IL9R: variants seen among roughly 807,000 people sequenced by gnomAD.
IL9R encodes the protein interleukin-9 receptor.
In IL9R, 54 loss-of-function variants were observed where a neutral mutation model predicts 56.3. The observed-to-expected ratio is 0.96, with a 90% confidence interval of 0.77 to 1.20. The LOEUF (loss-of-function observed/expected upper bound fraction) is 1.20. Ranked by LOEUF, IL9R falls within the 50% of genes most tolerant of loss-of-function variation. The pLI is 0.00. For synonymous variants in IL9R, 212 were observed against 250.2 expected (o/e 0.85, Z 1.44); for missense variants, 545 against 629.8 (o/e 0.87, Z 1.44).
chrX:156,005,787 G>A (rs984083238), intron 6 of IL9R, among the ~76,000 whole-genome samples: 1 of 152,110 alleles, frequency 6.6e-6, no homozygotes, highest in African/African-American at 2.4e-5. Flanking sequence ...AATGGGGGCT[G>A]GACTGACCCT....
In IL9R at chrX:156,003,821, C is replaced by T; in HGVS notation, c.399C>T (p.Ser133=). 2 of 1,613,940 alleles carry T rather than the reference C, an allele frequency of 1.2e-6. No individual in the cohort carries two copies. The highest frequency in any genetic ancestry group is 1.7e-6 in the Non-Finnish European group (2 of 1,179,834). The change falls in exon 4 of 9, where the codon AGC becomes AGT. Residue 133 remains serine (S), a synonymous_variant. Coordinates refer to ENST00000244174, the MANE Select transcript of IL9R (RefSeq NM_002186.3). ...GCATGTCTGGGAGGGAGCAGGTCAG[C>T]CTGGTGGACCCGGAGTACCTGCCCC... ...HHCMSGREQV[S]LVDPEYLPRR...
chrX:155,999,205 C>A (rs2067341741), intron 1 of IL9R, among the ~76,000 whole-genome samples: 1 of 152,060 alleles, frequency 6.6e-6, no homozygotes, highest in Admixed American at 6.6e-5. Flanking sequence ...TCCTCCACGC[C>A]TCTCTGTACT....
chrX:156,003,630 C>T (rs781077566), intron 3 of IL9R, 47 bp from the exon 4 acceptor site: 6 of 1,611,488 alleles, frequency 3.7e-6, no homozygotes, highest in Non-Finnish European at 5.1e-6. Context: ...AGCAGCTATG[C>T]CAGGACAGTG....
In IL9R at chrX:156,005,409, G is replaced by C; in HGVS notation, c.711G>C (p.Glu237Asp). 1.9e-6 allele frequency: 3 copies of C among 1,613,230 alleles called. No homozygotes were observed. The highest frequency in any genetic ancestry group is 2.5e-6 in the Non-Finnish European group (3 of 1,179,840). ...QMATLEDDVV[E>D]EERYTGQWSE... is the part of the protein sequence containing the mutation. ...CCACACTGGAGGATGATGTGGTAGA[G>C]GAGGAGCGTTATACAGGCCAGTGGA... Residue 237 changes from glutamate (E) to aspartate (D), a missense_variant, in exon 6 of 9, where the codon GAG becomes GAC. Glu to Asp is a conservative substitution (Grantham distance 45, BLOSUM62 2). Transcript: ENST00000244174.
chrX:156,009,375 C>T (rs1448918502), intron 8 of IL9R, among the ~76,000 whole-genome samples: 1 of 129,576 alleles, frequency 7.7e-6, no homozygotes, highest in Admixed American at 7.6e-5. Flanking sequence ...CTGTGTGTAT[C>T]TGTGTGTGTT....
intron 1 of IL9R, among the ~76,000 whole-genome samples, chrX:156,002,674 C>T (rs2067612943): frequency 6.6e-6 from 1 of 152,124 alleles, no homozygotes. Context: ...TTCCTTACAC[C>T]CTGCAGCCAT....
Position 155,997,811 on chromosome X carries a change from C to T in IL9R, c.28+24C>T, listed in dbSNP as rs151086743. On this transcript the variant is annotated intron_variant, in intron 1 of 8. Transcript: ENST00000244174. The stretch of plus-strand genomic sequence containing the variant: ...AGGTGAGTCTGTGCTTTGGGCTTCC[C>T]AACCTCTCAAGTCAGCATGAAATTC... 125 of 1,608,516 alleles carry T rather than the reference C, an allele frequency of 7.8e-5. No homozygotes were observed. The African/African-American group carries it at 1.6e-3, about 20-fold the overall frequency.
intron 6 of IL9R, among the ~76,000 whole-genome samples, 189 bp downstream of exon 6, chrX:156,005,668 G>A (rs891451437): frequency 6.6e-5 from 10 of 152,096 alleles, no homozygotes; most frequent in African/African-American, 2.4e-4. Context: ...CCAACTCTGG[G>A]GCTTCCTGGG....
chrX:156,005,229 G>C (rs2067838913), intron 5 of IL9R, 49 bp from the exon 6 acceptor site: 1 of 1,521,836 alleles, frequency 6.6e-7, no homozygotes, highest in Non-Finnish European at 9.1e-7. Context: ...CGAGGGCTGA[G>C]GGACCCAGCC....
At chrX:156,001,958 C>G (rs1372945787) in intron 1 of IL9R, among the ~76,000 whole-genome samples, 5 of 152,210 alleles carry the variant, frequency 3.3e-5, no homozygotes, top group Non-Finnish European at 7.3e-5. Flanking sequence ...AAAGTGCCAT[C>G]TGTTGCATGG....
chrX:156,009,421 GTGTATGTT>G (rs1260554219), intron 8 of IL9R, among the ~76,000 whole-genome samples: 5 of 141,682 alleles, frequency 3.5e-5, no homozygotes, highest in Non-Finnish European at 1.5e-5. Flanking sequence ...GTGTGTGTTT[GTGTATGTT>G]TGTGTGTGTG....
chrX:156,006,439 C>A (rs1301531113), intron 7 of IL9R, among the ~76,000 whole-genome samples: 1 of 148,002 alleles, frequency 6.8e-6, no homozygotes, highest in South Asian at 2.2e-4. Context: ...GAAGGGGGGT[C>A]TGAGGCAGAG....
intron 4 of IL9R, 91 bp downstream of exon 4, chrX:156,003,946 G>T (rs1289676898): frequency 6.8e-6 from 9 of 1,324,392 alleles, no homozygotes; most frequent in Non-Finnish European, 9.5e-6. Context: ...CAGCCTGTGA[G>T]TGGCCCAGTG....
Position 155,997,733 on chromosome X carries a change from C to T in IL9R, c.-27C>T. On this transcript the variant is annotated 5_prime_UTR_variant, in exon 1 of 9. Transcript: ENST00000244174. ...GAGATAGTTGGGTGACAAATCACCTCCAGGTTGGGGATGCCTCAGACTTGT... is the reference window on the plus strand; with the variant it reads ...GAGATAGTTGGGTGACAAATCACCTTCAGGTTGGGGATGCCTCAGACTTGT... 1 of 1,613,006 alleles carries T rather than the reference C, an allele frequency of 6.2e-7. No homozygotes were observed. Among genetic ancestry groups the T allele is most frequent in the Non-Finnish European group, 8.5e-7 (1 of 1,179,050 alleles).
At chrX:156,003,070 T>G (rs990985429) in intron 2 of IL9R, 51 bp downstream of exon 2, 35 of 1,609,576 alleles carry the variant, frequency 2.2e-5, no homozygotes, top group Non-Finnish European at 2.9e-5. Context: ...AACTAGGGCA[T>G]GTTTGGGGGA....
rs2067643033 is a variant in IL9R at position 156,002,991 on chromosome X, G to A, written c.114G>A (p.Leu38=). Residue 38 remains leucine (L), a synonymous_variant, in exon 2 of 9, where the codon TTG becomes TTA. Coordinates refer to ENST00000244174, the MANE Select transcript of IL9R (RefSeq NM_002186.3). ...TCTGCATCTGCACCTGTGTCTGCTT[G>A]GGAGTCTCTGTCACAGGGGAAGGAC... The part of the protein sequence containing the change: ...ACICICTCVC[L]GVSVTGEGQG... The A allele has an allele frequency of 2.5e-6, 4 of 1,613,758 alleles. No homozygotes were observed. Among genetic ancestry groups the A allele is most frequent in the East Asian group, 2.2e-5 (1 of 44,872 alleles).
intron 4 of IL9R, 58 bp downstream of exon 4, chrX:156,003,913 TG>T: frequency 6.3e-7 from 1 of 1,577,698 alleles, no homozygotes. Flanking sequence ...CCTGGCTGCT[TG>T]GGGGTTTGGA....
chrX:156,005,271 C>T lies in IL9R; in HGVS notation c.580-7C>T. 2.5e-6 allele frequency: 4 copies of T among 1,611,788 alleles called. No homozygotes were observed. The highest frequency in any genetic ancestry group is 3.4e-6 in the Non-Finnish European group (4 of 1,179,650). On this transcript the variant is annotated splice_region_variant and splice_polypyrimidine_tract_variant and intron_variant, in intron 5 of 8. Transcript: ENST00000244174. ...TCACCACCTGCTAACTGTCCCCACC[C>T]CCACAGCAGGCCCAGCACAGGGATC... is the stretch of plus-strand genomic sequence containing the variant.
At position 156,003,449 on chromosome X, in the gene IL9R, G is replaced by A. The variant is rs748051066; in HGVS notation, c.143G>A (p.Gly48Glu). The change falls in exon 3 of 9, where the codon GGG becomes GAG. Residue 48 changes from glycine to glutamate, a missense_variant and splice_region_variant. Coordinates refer to ENST00000244174, the MANE Select transcript of IL9R (RefSeq NM_002186.3). ...GGCTCCTGATGGTCACTGTCTCCAG[G>A]GCCAAGGTCTAGAACCTTCACCTGC... ...LGVSVTGEGQ[G>E]PRSRTFTCLT... 25 of 1,609,186 alleles carry A rather than the reference G, an allele frequency of 1.6e-5. No individual in the cohort carries two copies. The highest frequency in any genetic ancestry group is 2.1e-5 in the Non-Finnish European group (25 of 1,177,534).
Sources: allele counts gnomAD v4.1 joint callset (sites outside exome capture counted in the v4.1 genomes callset), GRCh38; gene constraint gnomAD v4.1.1; transcripts MANE v1.5; gene names NCBI Gene and HGNC (gene_info 2026-07-23, HGNC 2026-07-21).